The following FILIP1 variants were observed in gnomAD, a reference collection of about 807,000 sequenced individuals.
The protein encoded by FILIP1 is filamin-A-interacting protein 1.
Under a neutral mutation model 102.1 loss-of-function variants are expected in FILIP1, and 61 were observed. The observed-to-expected ratio is 0.60, with a 90% CI of 0.49 to 0.74. The LOEUF is 0.74. Among genes scored for constraint, FILIP1 ranks in the 30% least tolerant of loss-of-function variants. The probability of loss-of-function intolerance (pLI) is 0.00; values close to 1 mark genes in which losing one functional copy is unlikely to be tolerated. For synonymous variants in FILIP1, 491 were observed against 526.9 expected (o/e 0.93, Z 0.93); for missense variants, 1,314 against 1,441.2 (o/e 0.91, Z 1.43).
intron 1 of FILIP1, among the ~76,000 whole-genome samples, chr6:75,490,998 G>A (rs2149789427): frequency 6.6e-6 from 1 of 152,206 alleles, no homozygotes; most frequent in Admixed American, 6.5e-5. Context: ...TTAGGATACG[G>A]CATTGCACCT....
chr6:75,294,427 A>G (rs1468024657), exon 7 of FILIP1: 1 of 152,142 alleles, frequency 6.6e-6, no homozygotes, highest in African/African-American at 2.4e-5. Flanking sequence ...AAACATGTCC[A>G]TATTAACAGT....
intron 6 of FILIP1, among the ~76,000 whole-genome samples, chr6:75,300,342 T>C (rs962942400): frequency 1.3e-4 from 20 of 152,188 alleles, no homozygotes; most frequent in African/African-American, 4.6e-4. Flanking sequence ...ATATATAACC[T>C]GCTTCCCATG....
In FILIP1 at chr6:75,353,835, G is replaced by T. The variant is rs1233040959; in HGVS notation, c.451-118C>A. 5.3e-6 allele frequency: 5 copies of T among 936,212 alleles called. No homozygotes were observed. In the Admixed American group the frequency reaches 8.2e-5, roughly 15 times the overall value. The allele number at this position is 936,212 out of a possible 1,614,324, so 58.0% of individuals were successfully genotyped here. A position where few individuals can be genotyped will look rare whatever the true frequency, so the allele number is the denominator to read the frequency against. ...CCTGAAAGCGAGAACAGTGAGTCTG[G>T]TATTCACCACCATTTCCCCCATTGT... On this transcript the variant is annotated intron_variant, in intron 3 of 5. Coordinates refer to ENST00000237172, the MANE Select transcript of FILIP1 (RefSeq NM_015687.5).
chr6:75,382,910 C>G (rs1775951538), intron 2 of FILIP1, among the ~76,000 whole-genome samples: 2 of 152,080 alleles, frequency 1.3e-5, no homozygotes, highest in Admixed American at 1.3e-4. Flanking sequence ...GCCACAAAAG[C>G]CTAAAACATA....
chr6:75,308,934 T>C, intron 5 of FILIP1, 37 bp from the exon 6 acceptor site: 1 of 1,607,544 alleles, frequency 6.2e-7, no homozygotes, highest in Non-Finnish European at 8.5e-7. Flanking sequence ...AAGGGAGATG[T>C]TGGTGAGTTT....
intron 1 of FILIP1, among the ~76,000 whole-genome samples, chr6:75,489,523 T>A (rs1337297996): frequency 2.0e-5 from 3 of 152,174 alleles, no homozygotes; most frequent in Non-Finnish European, 2.9e-5. Flanking sequence ...TTAAATTTAT[T>A]GAAGAATAAA....
intron 4 of FILIP1, among the ~76,000 whole-genome samples, chr6:75,332,426 CATGAACCATACAAGTTTGTCACTTAA>C: frequency 6.6e-6 from 1 of 152,226 alleles, no homozygotes; most frequent in Non-Finnish European, 1.5e-5. Flanking sequence ...CAGGAAAAGC[CATGAACCATACAAGTTTGTCACTTAA>C]ATGTGTGACC....
chr6:75,348,180 C>T (rs1316076901), intron 4 of FILIP1, among the ~76,000 whole-genome samples: 1 of 151,960 alleles, frequency 6.6e-6, no homozygotes, highest in Non-Finnish European at 1.5e-5. Context: ...TGGAGCAGCC[C>T]TAGTGAAGCT....
At chr6:75,354,677 T>G (rs1192115263) in intron 3 of FILIP1, among the ~76,000 whole-genome samples, 2 of 152,196 alleles carry the variant, frequency 1.3e-5, no homozygotes, top group African/African-American at 4.8e-5. Flanking sequence ...CACTTTTTCA[T>G]TTGTTTATTG....
chr6:75,419,581 C>T (rs1052927304), intron 1 of FILIP1, among the ~76,000 whole-genome samples: 1 of 152,122 alleles, frequency 6.6e-6, no homozygotes, highest in Non-Finnish European at 1.5e-5. Flanking sequence ...TGGCAAAAGG[C>T]CTGCTGCAAG....
At chr6:75,341,159 T>G (rs546529566) in intron 4 of FILIP1, among the ~76,000 whole-genome samples, 95 of 12,998 alleles carry the variant, frequency 7.3e-3, no homozygotes, top group African/African-American at 0.05. Flanking sequence ...TTTGTTTTGT[T>G]TTTTTTTTTT....
At chr6:75,303,457 A>C (rs1403768774), downstream of FILIP1, among the ~76,000 whole-genome samples, 3 of 152,168 alleles carry the variant, frequency 2.0e-5, no homozygotes, top group African/African-American at 7.2e-5. Context: ...GAGGTGAAAG[A>C]AGCAGCAAAG....
chr6:75,409,041 C>A (rs1331467243), intron 2 of FILIP1, among the ~76,000 whole-genome samples: 2 of 152,192 alleles, frequency 1.3e-5, no homozygotes, highest in South Asian at 2.1e-4. Flanking sequence ...CCTTAAATTT[C>A]TCTTACCTAA....
chr6:75,428,749 G>T (rs779226009), intron 1 of FILIP1, among the ~76,000 whole-genome samples: 1 of 152,174 alleles, frequency 6.6e-6, no homozygotes, highest in East Asian at 1.9e-4. Flanking sequence ...CCCTGCTTGA[G>T]AGTTTAGACT....
intron 1 of FILIP1, among the ~76,000 whole-genome samples, chr6:75,421,186 A>G (rs1209374147): frequency 1.3e-5 from 2 of 152,192 alleles, no homozygotes; most frequent in African/African-American, 4.8e-5. Context: ...AAAAATAAAG[A>G]AACAAAAGAT....
At chr6:75,451,492 A>G (rs909754466) in intron 1 of FILIP1, among the ~76,000 whole-genome samples, 2 of 152,074 alleles carry the variant, frequency 1.3e-5, no homozygotes, top group Non-Finnish European at 2.9e-5. Flanking sequence ...ATTTAGAAAA[A>G]TTAGTGACAT....
intron 2 of FILIP1, among the ~76,000 whole-genome samples, chr6:75,407,588 T>C (rs538190778): frequency 6.6e-6 from 1 of 152,150 alleles, no homozygotes; most frequent in Non-Finnish European, 1.5e-5. Flanking sequence ...GAAGAGAGAG[T>C]CATTCTTGAC....
chr6:75,461,770 T>G (rs1265954021), intron 1 of FILIP1, among the ~76,000 whole-genome samples: 1 of 152,214 alleles, frequency 6.6e-6, no homozygotes. Context: ...ACATACACAT[T>G]AGAAAGCAAA....
chr6:75,485,312 G>A (rs1419720543), intron 1 of FILIP1, among the ~76,000 whole-genome samples: 1 of 152,202 alleles, frequency 6.6e-6, no homozygotes, highest in Non-Finnish European at 1.5e-5. Context: ...AGCCTGTCAG[G>A]TGAGTAGCAG....
Sources: allele counts gnomAD v4.1 joint callset (sites outside exome capture counted in the v4.1 genomes callset), GRCh38; gene constraint gnomAD v4.1.1; transcripts MANE v1.5; gene names NCBI Gene and HGNC (gene_info 2026-07-23, HGNC 2026-07-21).